Variants in PRKCQ observed in about 807,000 individuals in gnomAD.
The protein encoded by PRKCQ is protein kinase C theta, also known as protein kinase C theta type.
A neutral mutation model predicts 91.2 loss-of-function variants in PRKCQ; 41 were observed. That is an observed-to-expected ratio of 0.45 (90% confidence interval 0.35 to 0.58). PRKCQ has a LOEUF of 0.58. Ranked by LOEUF, PRKCQ falls within the 20% of genes least tolerant of loss-of-function variation. The probability of loss-of-function intolerance (pLI) is 0.00; values close to 1 mark genes in which losing one functional copy is unlikely to be tolerated. For synonymous variants in PRKCQ, 307 were observed against 316.9 expected, an observed-to-expected ratio of 0.97 and a Z score of 0.33; for missense variants, 673 against 896.5, an observed-to-expected ratio of 0.75 and a Z score of 3.18.
the PRKCQ span, among the ~76,000 whole-genome samples, chr10:6,414,285 T>C: frequency 6.6e-6 from 1 of 152,164 alleles, no homozygotes; most frequent in Non-Finnish European, 1.5e-5. Flanking sequence ...TCTTTTCCAG[T>C]AAAATTTAAA....
the PRKCQ span, among the ~76,000 whole-genome samples, chr10:6,397,931 AAAAG>A: frequency 2.6e-5 from 4 of 152,212 alleles, no homozygotes; most frequent in South Asian, 2.1e-4. Flanking sequence ...GTCTAAAAAA[AAAAG>A]AAAGAAAGAA....
At chr10:6,552,971 T>C (rs372739976) in intron 1 of PRKCQ, among the ~76,000 whole-genome samples, 3 of 152,158 alleles carry the variant, frequency 2.0e-5, no homozygotes, top group South Asian at 4.1e-4. Flanking sequence ...ATAATTATGT[T>C]TTTCAAAGCA....
At chr10:6,557,359 C>A (rs140622304) in intron 1 of PRKCQ, among the ~76,000 whole-genome samples, 4 of 152,128 alleles carry the variant, frequency 2.6e-5, no homozygotes, top group Admixed American at 6.6e-5. Flanking sequence ...GTTCCAGAGA[C>A]CTTTCTCTAT....
chr10:6,515,621 T>G (rs1838719958), intron 1 of PRKCQ: 1 of 650,952 alleles, frequency 1.5e-6, no homozygotes, highest in Non-Finnish European at 1.9e-6. Context: ...GTAATGGGAT[T>G]GGCCCAAGGC....
intron 12 of PRKCQ, among the ~76,000 whole-genome samples, chr10:6,467,686 G>A (rs965287801): frequency 6.6e-6 from 1 of 152,190 alleles, no homozygotes; most frequent in Non-Finnish European, 1.5e-5. Context: ...TGAGAAATGA[G>A]ACTGTCGCTA....
chr10:6,444,458 T>C (rs889727450), intron 15 of PRKCQ, among the ~76,000 whole-genome samples: 3 of 152,052 alleles, frequency 2.0e-5, no homozygotes, highest in Admixed American at 6.6e-5. Context: ...TAGGACATAA[T>C]AGTGGCACAT....
intron 1 of PRKCQ, among the ~76,000 whole-genome samples, chr10:6,517,029 A>G (rs1177574679): frequency 6.6e-6 from 1 of 152,230 alleles, no homozygotes; most frequent in African/African-American, 2.4e-5. Context: ...TTAGAAATGT[A>G]TGTCAGACAT....
intron 12 of PRKCQ, among the ~76,000 whole-genome samples, chr10:6,468,981 G>A (rs192698328): frequency 6.6e-6 from 1 of 152,318 alleles, no homozygotes; most frequent in Admixed American, 6.5e-5. Context: ...TTCATATAAA[G>A]TATTTAGCCC....
chr10:6,413,567 ACTGGATTAAATGCCACTTGTG>A, the PRKCQ span, among the ~76,000 whole-genome samples: 19 of 60,724 alleles, frequency 3.1e-4, 5 homozygotes, highest in Non-Finnish European at 5.1e-4. Flanking sequence ...ACTAGGAAGC[ACTGGATTAAATGCCACTTGTG>A]CACACACACA....
intron 1 of PRKCQ, among the ~76,000 whole-genome samples, chr10:6,558,968 T>C (rs979346226): frequency 1.3e-5 from 2 of 152,140 alleles, no homozygotes; most frequent in African/African-American, 4.8e-5. Context: ...AGCGGTGACA[T>C]GTGCTGCCGT....
In PRKCQ at chr10:6,466,943, G is replaced by A. The variant is rs565834696; in HGVS notation, c.1354-2539C>T. 2.6e-5 allele frequency among the ~76,000 whole-genome samples: 4 copies of A among 152,280 alleles called. No individual in the cohort carries two copies. The South Asian group carries it at 6.2e-4, about 24-fold the overall frequency. On this transcript the variant is annotated intron_variant, in intron 12 of 17. Coordinates refer to ENST00000263125, the MANE Select transcript of PRKCQ (RefSeq NM_006257.5). ...CCCCTCTATTTATAACTCTGGAGAC[G>A]TGACTTAACCTCTCCTGAGCTTCAT...
intron 1 of PRKCQ, among the ~76,000 whole-genome samples, chr10:6,554,503 G>A (rs1211149022): frequency 6.6e-6 from 1 of 152,182 alleles, no homozygotes; most frequent in Non-Finnish European, 1.5e-5. Flanking sequence ...TCTGTCTACA[G>A]CTGGAAATGT....
At chr10:6,516,953 T>A (rs1278358715) in intron 1 of PRKCQ, among the ~76,000 whole-genome samples, 3 of 152,116 alleles carry the variant, frequency 2.0e-5, no homozygotes, top group Non-Finnish European at 4.4e-5. Flanking sequence ...TAATAAGCAA[T>A]GCAGATTAAA....
intron 15 of PRKCQ, among the ~76,000 whole-genome samples, chr10:6,442,330 A>G (rs914477630): frequency 1.3e-5 from 2 of 152,228 alleles, no homozygotes; most frequent in Admixed American, 6.5e-5. Context: ...GCTTATAAAG[A>G]AACAATGAAA....
the PRKCQ span, among the ~76,000 whole-genome samples, chr10:6,395,064 T>TG: frequency 6.9e-6 from 1 of 145,586 alleles, no homozygotes; most frequent in Non-Finnish European, 1.5e-5. Context: ...GTCTTTTTTT[T>TG]TTTTTTTTTT....
At position 6,497,299 on chromosome 10, in the gene PRKCQ, A is replaced by G; in HGVS notation, c.543-48T>C. ...TTATTTCAATGTTGGCATCAACATCAGCACCAACAGCATTTAAGAGATGGA... is the reference window on the plus strand; with the variant it reads ...TTATTTCAATGTTGGCATCAACATCGGCACCAACAGCATTTAAGAGATGGA... On this transcript the variant is annotated intron_variant, in intron 5 of 17. Coordinates refer to ENST00000263125, the MANE Select transcript of PRKCQ (RefSeq NM_006257.5). This position sits in a 1 kb window ranked among gnomAD's most constrained non-coding sequence, Gnocchi z 4.5. 6.2e-7 allele frequency: 1 copy of G among 1,605,254 alleles called. No individual in the cohort carries two copies. The highest frequency in any genetic ancestry group is 8.5e-7 in the Non-Finnish European group (1 of 1,172,278).
chr10:6,461,683 C>T (rs187477515), intron 14 of PRKCQ, among the ~76,000 whole-genome samples: 1 of 152,310 alleles, frequency 6.6e-6, no homozygotes, highest in East Asian at 1.9e-4. Context: ...ATTATCTGCT[C>T]TCCAGCAGCT....
intron 1 of PRKCQ, among the ~76,000 whole-genome samples, chr10:6,526,455 A>G (rs1839200167): frequency 2.0e-5 from 3 of 152,038 alleles, no homozygotes; most frequent in African/African-American, 7.2e-5. Context: ...CATGAAACAA[A>G]CTAAGCAGAG....
At chr10:6,450,137 G>A (rs1361761134) in intron 15 of PRKCQ, among the ~76,000 whole-genome samples, 15 of 149,292 alleles carry the variant, frequency 1.0e-4, no homozygotes, top group African/African-American at 3.7e-4. Flanking sequence ...ACACAGACTG[G>A]CAAATTGGAT....
Sources: gnomAD v4.1 joint callset for allele counts (sites outside exome capture counted in the v4.1 genomes callset) on GRCh38, gnomAD v4.1.1 for gene constraint, Gnocchi (gnomAD v3.1) non-coding constraint, MANE v1.5 for transcripts, NCBI Gene and HGNC (gene_info 2026-07-23, HGNC 2026-07-21) for gene names.